Variants in SPOCK3 observed in about 807,000 individuals in gnomAD.
SPOCK3 encodes the protein testican-3.
Under a neutral mutation model 56.6 loss-of-function variants are expected in SPOCK3, and 30 were observed. That is an observed-to-expected ratio of 0.53 (90% CI 0.40 to 0.72). The LOEUF is 0.72. Ranked by LOEUF, SPOCK3 falls within the 30% of genes least tolerant of loss-of-function variation. The pLI is 0.00. For synonymous variants in SPOCK3, 196 were observed against 183.3 expected (o/e 1.07, Z -0.56); for missense variants, 527 against 530.0 (o/e 0.99, Z 0.06).
intron 2 of SPOCK3, among the ~76,000 whole-genome samples, chr4:167,109,010 ATACT>A (rs1760487272): frequency 9.6e-6 from 1 of 104,172 alleles, no homozygotes; most frequent in Non-Finnish European, 1.7e-5. Context: ...ATATAAATAT[ATACT>A]TATATAAAAA....
At chr4:167,218,552 A>C (rs1735588806) in intron 2 of SPOCK3, among the ~76,000 whole-genome samples, 2 of 152,162 alleles carry the variant, frequency 1.3e-5, no homozygotes. Context: ...ACTGACCTAA[A>C]AACTGCCTAT....
chr4:166,989,865 A>C (rs981965829), intron 4 of SPOCK3, among the ~76,000 whole-genome samples: 1 of 152,160 alleles, frequency 6.6e-6, no homozygotes, highest in African/African-American at 2.4e-5. Flanking sequence ...TTCTTGGATG[A>C]TCATTCCTAT....
chr4:166,734,842 G>A lies in SPOCK3; in HGVS notation c.*79C>T. 1 of 1,150,210 alleles carries A rather than the reference G, an allele frequency of 8.7e-7. No individual in the cohort carries two copies. The highest frequency in any genetic ancestry group is 1.2e-6 in the Non-Finnish European group (1 of 834,446). 71.3% of individuals were successfully genotyped at this position (1,150,210 alleles called of 1,614,324 possible). A position where few individuals can be genotyped will look rare whatever the true frequency, so the allele number is the denominator to read the frequency against. On this transcript the variant is annotated 3_prime_UTR_variant, in exon 11 of 11. Coordinates refer to ENST00000357545, the MANE Select transcript of SPOCK3 (RefSeq NM_001040159.2). ...AGGTTTAGAATCATTTTGTTATTGG[G>A]GAAGAAGATAATTTTAAATAGGCTA... is the stretch of plus-strand genomic sequence containing the variant.
intron 2 of SPOCK3, among the ~76,000 whole-genome samples, chr4:167,097,909 C>G (rs1250575846): frequency 2.0e-5 from 3 of 151,944 alleles, no homozygotes; most frequent in African/African-American, 7.2e-5. Flanking sequence ...ATGGATGCAG[C>G]TGGGGCCCAT....
At chr4:167,153,232 C>G (rs1393072176) in intron 2 of SPOCK3, among the ~76,000 whole-genome samples, 1 of 152,140 alleles carries the variant, frequency 6.6e-6, no homozygotes, top group Non-Finnish European at 1.5e-5. Flanking sequence ...GCTCTTTGCC[C>G]TCCATGAGGC....
intron 5 of SPOCK3, among the ~76,000 whole-genome samples, chr4:166,911,457 A>G (rs1189631432): frequency 6.6e-6 from 1 of 152,222 alleles, no homozygotes; most frequent in Non-Finnish European, 1.5e-5. Flanking sequence ...AACTGAAGAA[A>G]GGTTATTTAT....
intron 2 of SPOCK3, among the ~76,000 whole-genome samples, chr4:167,120,497 G>A (rs1168627833): frequency 1.3e-5 from 2 of 151,954 alleles, no homozygotes; most frequent in African/African-American, 4.8e-5. Flanking sequence ...GTAATGACTT[G>A]ACAATCTAGC....
At chr4:167,209,544 A>G (rs965863096) in intron 2 of SPOCK3, among the ~76,000 whole-genome samples, 4 of 152,120 alleles carry the variant, frequency 2.6e-5, no homozygotes, top group African/African-American at 9.7e-5. Flanking sequence ...TCCTATGTTC[A>G]AAAAATCCCC....
At chr4:167,092,169 C>G (rs1049813015) in intron 2 of SPOCK3, among the ~76,000 whole-genome samples, 4 of 152,094 alleles carry the variant, frequency 2.6e-5, no homozygotes, top group Non-Finnish European at 5.9e-5. Flanking sequence ...GGGGTGTCGC[C>G]TCACCCAGGA....
At chr4:166,856,532 T>G (rs1025867437) in intron 6 of SPOCK3, among the ~76,000 whole-genome samples, 15 of 152,182 alleles carry the variant, frequency 9.9e-5, no homozygotes, top group African/African-American at 3.1e-4. Context: ...TCCCAGTACT[T>G]TGGGAGACCG....
intron 6 of SPOCK3, among the ~76,000 whole-genome samples, chr4:166,800,958 C>G (rs1401162692): frequency 2.6e-5 from 4 of 152,048 alleles, no homozygotes; most frequent in East Asian, 1.9e-4. Context: ...ATCTTTTATA[C>G]CATATTTTGA....
intron 2 of SPOCK3, among the ~76,000 whole-genome samples, chr4:167,206,568 A>G (rs968028725): frequency 6.6e-6 from 1 of 151,906 alleles, no homozygotes; most frequent in Non-Finnish European, 1.5e-5. Flanking sequence ...CTCAACAAAT[A>G]TATGTTTGCT....
chr4:166,812,304 G>T (rs776450378), intron 6 of SPOCK3, among the ~76,000 whole-genome samples: 4 of 151,708 alleles, frequency 2.6e-5, no homozygotes, highest in Non-Finnish European at 4.4e-5. Flanking sequence ...TTTCAGCTAG[G>T]TCTTCAATAT....
At chr4:167,171,621 CTT>C (rs1561289138) in intron 2 of SPOCK3, among the ~76,000 whole-genome samples, 1 of 151,964 alleles carries the variant, frequency 6.6e-6, no homozygotes, top group African/African-American at 2.4e-5. Flanking sequence ...ACAATATAGA[CTT>C]AATTAGAAGA....
At chr4:167,218,152 A>C (rs1487293399) in intron 2 of SPOCK3, among the ~76,000 whole-genome samples, 2 of 152,128 alleles carry the variant, frequency 1.3e-5, no homozygotes, top group Non-Finnish European at 2.9e-5. Context: ...CACATTTCTG[A>C]ATAGCACTTA....
At chr4:166,911,455 A>T (rs748535105) in intron 5 of SPOCK3, among the ~76,000 whole-genome samples, 1 of 152,216 alleles carries the variant, frequency 6.6e-6, no homozygotes, top group Non-Finnish European at 1.5e-5. Flanking sequence ...TGAACTGAAG[A>T]AAGGTTATTT....
At chr4:166,911,002 T>G (rs545485645) in intron 5 of SPOCK3, among the ~76,000 whole-genome samples, 1 of 152,158 alleles carries the variant, frequency 6.6e-6, no homozygotes, top group Non-Finnish European at 1.5e-5. Flanking sequence ...ATCATTTCCA[T>G]GTGGAATTTT....
chr4:166,777,177 A>G (rs1175806531), intron 7 of SPOCK3, among the ~76,000 whole-genome samples: 3 of 152,224 alleles, frequency 2.0e-5, no homozygotes, highest in Non-Finnish European at 4.4e-5. Flanking sequence ...ATATAATTCA[A>G]ATTGTTTTAA....
At chr4:166,987,684 C>G (rs1391605355) in intron 4 of SPOCK3, among the ~76,000 whole-genome samples, 1 of 151,994 alleles carries the variant, frequency 6.6e-6, no homozygotes, top group African/African-American at 2.4e-5. Flanking sequence ...TTACCAATGC[C>G]CTGTGGAAAA....
Sources: gnomAD v4.1 joint callset for allele counts (sites outside exome capture counted in the v4.1 genomes callset) on GRCh38, gnomAD v4.1.1 for gene constraint, MANE v1.5 for transcripts, NCBI Gene and HGNC (gene_info 2026-07-23, HGNC 2026-07-21) for gene names.